Variants in GABBR2 observed in about 807,000 individuals in gnomAD.
GABBR2 encodes gamma-aminobutyric acid type B receptor subunit 2, also known as G-protein coupled receptor 51.
In GABBR2, 23 loss-of-function variants were observed where a neutral mutation model predicts 105.6. That is an observed-to-expected ratio of 0.22 (90% CI 0.16 to 0.31). GABBR2 has a LOEUF of 0.31. Ranked by LOEUF, GABBR2 falls within the 10% of genes least tolerant of loss-of-function variation. The pLI is 1.00. For missense variants in GABBR2, 734 were observed against 1,245.5 expected (o/e 0.59, Z 6.18); for synonymous variants, 478 against 499.7 (o/e 0.96, Z 0.58).
At chr9:98,353,314 A>G (rs1831432504) in intron 13 of GABBR2, among the ~76,000 whole-genome samples, 1 of 152,188 alleles carries the variant, frequency 6.6e-6, no homozygotes. Flanking sequence ...AATTCGAATT[A>G]TCTTGCTATT....
chr9:98,661,413 C>T (rs899478269), intron 1 of GABBR2, among the ~76,000 whole-genome samples: 1 of 150,764 alleles, frequency 6.6e-6, no homozygotes, highest in Non-Finnish European at 1.5e-5. Context: ...TTTCCCCCAC[C>T]CCCCCGATAT....
intron 1 of GABBR2, among the ~76,000 whole-genome samples, chr9:98,598,927 G>C (rs1829278692): frequency 6.6e-6 from 1 of 152,090 alleles, no homozygotes; most frequent in Non-Finnish European, 1.5e-5. Context: ...TTATTAACAA[G>C]CCTCTTATAG....
At chr9:98,572,158 C>A (rs1564118153) in intron 2 of GABBR2, among the ~76,000 whole-genome samples, 3 of 152,218 alleles carry the variant, frequency 2.0e-5, no homozygotes, top group Admixed American at 6.5e-5. Context: ...AGACCCTGGA[C>A]TCTATGAAGG....
At chr9:98,510,293 C>T (rs1415398166) in intron 3 of GABBR2, among the ~76,000 whole-genome samples, 2 of 152,214 alleles carry the variant, frequency 1.3e-5, no homozygotes, top group East Asian at 3.8e-4. Flanking sequence ...AAAGGAACAA[C>T]TGGTACCAGC....
At chr9:98,514,073 T>C (rs376685202) in intron 3 of GABBR2, among the ~76,000 whole-genome samples, 23,682 of 131,984 alleles carry the variant, frequency 0.18, 2,920 homozygotes, top group Non-Finnish European at 0.25. Context: ...ACTATGCAGC[T>C]ATAAAAAATG....
At chr9:98,297,028 A>G (rs1012998504) in intron 17 of GABBR2, among the ~76,000 whole-genome samples, 5 of 152,020 alleles carry the variant, frequency 3.3e-5, no homozygotes, top group Non-Finnish European at 5.9e-5. Context: ...CATTTTTTAT[A>G]TTTAAATATT....
Position 98,505,172 on chromosome 9 carries a change from T to C in GABBR2, c.631-8658A>G, listed in dbSNP as rs1462452569. 2.0e-5 allele frequency among the ~76,000 whole-genome samples: 3 copies of C among 152,362 alleles called. No homozygotes were observed. The East Asian group carries it at 5.8e-4, about 29-fold the overall frequency. On this transcript the variant is annotated intron_variant, in intron 3 of 18. Transcript: ENST00000259455. The stretch of plus-strand genomic sequence containing the variant: ...ATTGGGGCATATGCTTAAAAACTTA[T>C]CCATGTGGTGTATTTCTGCCTGTCC...
chr9:98,571,232 G>A (rs907366222), intron 2 of GABBR2, among the ~76,000 whole-genome samples: 1 of 152,210 alleles, frequency 6.6e-6, no homozygotes, highest in Non-Finnish European at 1.5e-5. Context: ...GAAGGGGCAG[G>A]AGGTGGGCTG....
intron 13 of GABBR2, among the ~76,000 whole-genome samples, chr9:98,351,604 C>T (rs1050518887): frequency 6.6e-6 from 1 of 152,104 alleles, no homozygotes; most frequent in Non-Finnish European, 1.5e-5. Context: ...ATTTTTGAAG[C>T]TCTCAATTGT....
chr9:98,627,637 C>T (rs1829758232), intron 1 of GABBR2, among the ~76,000 whole-genome samples: 2 of 152,242 alleles, frequency 1.3e-5, no homozygotes, highest in Non-Finnish European at 2.9e-5. Flanking sequence ...GAAGTGTCCA[C>T]ACAGGGCAGG....
chr9:98,640,015 A>T (rs1322165787), intron 1 of GABBR2, among the ~76,000 whole-genome samples: 2 of 151,774 alleles, frequency 1.3e-5, no homozygotes, highest in Non-Finnish European at 2.9e-5. Context: ...CAATTGCCTT[A>T]TTTGCATTTA....
chr9:98,444,895 A>ACG (rs1554706640), intron 7 of GABBR2, among the ~76,000 whole-genome samples: 1 of 151,622 alleles, frequency 6.6e-6, no homozygotes, highest in African/African-American at 2.4e-5. Context: ...ACACACACAC[A>ACG]CACACGCACG....
rs1031502799 is a variant in GABBR2, at chr9:98,370,323, C to T, written c.1770+1141G>A. ...GAGCATTTCACCTGCATCAAGAGGA[C>T]GGCAGGAGAGAAAGTCCTAGTAATG... On this transcript the variant is annotated intron_variant, in intron 12 of 18. Coordinates refer to ENST00000259455, the MANE Select transcript of GABBR2 (RefSeq NM_005458.8). Among the ~76,000 whole-genome samples the T allele has an allele frequency of 8.5e-5, 13 of 152,148 alleles. No individual in the cohort carries two copies. In the East Asian group the frequency reaches 1.2e-3, roughly 14 times the overall value.
chr9:98,415,332 T>C (rs1052722677), intron 7 of GABBR2, among the ~76,000 whole-genome samples: 1 of 152,196 alleles, frequency 6.6e-6, no homozygotes, highest in African/African-American at 2.4e-5. Context: ...AATAGCAATA[T>C]CATCAGCAAT....
chr9:98,641,530 G>A (rs1165361163), intron 1 of GABBR2, among the ~76,000 whole-genome samples: 2 of 152,100 alleles, frequency 1.3e-5, no homozygotes, highest in Non-Finnish European at 2.9e-5. Context: ...ATAAATCACT[G>A]ATTCAGTTAT....
At chr9:98,593,659 G>A (rs952781519) in intron 1 of GABBR2, among the ~76,000 whole-genome samples, 1 of 152,142 alleles carries the variant, frequency 6.6e-6, no homozygotes, top group Non-Finnish European at 1.5e-5. Flanking sequence ...ACTTTCCCTT[G>A]GGAGCCATGT....
intron 6 of GABBR2, among the ~76,000 whole-genome samples, chr9:98,463,883 G>A (rs527676934): frequency 2.6e-5 from 4 of 152,274 alleles, no homozygotes; most frequent in South Asian, 2.1e-4. Context: ...TGATCTGCCC[G>A]CCTCGGCCTC....
In GABBR2 at chr9:98,344,192, T is replaced by C. The variant is rs537492055; in HGVS notation, c.1893+18523A>G. On this transcript the variant is annotated intron_variant, in intron 13 of 18. Coordinates refer to ENST00000259455, the MANE Select transcript of GABBR2 (RefSeq NM_005458.8). Reference sequence around the variant, plus strand: ...TGCTCTTGGTGCCCTCATCCAAGATTGTCATTGCCATCCATAAGCTGCCCC... The same window carrying C: ...TGCTCTTGGTGCCCTCATCCAAGATCGTCATTGCCATCCATAAGCTGCCCC... Among the ~76,000 whole-genome samples, 5 of 152,184 alleles carry C rather than the reference T, an allele frequency of 3.3e-5. No homozygotes were observed. In the South Asian group the frequency reaches 1.0e-3, roughly 32 times the overall value.
rs1347390827 is a variant in GABBR2, at chr9:98,299,466, C to A, written c.2413-113G>T. The A allele has an allele frequency of 6.3e-6, 7 of 1,106,828 alleles. No homozygotes were observed. The Admixed American group carries it at 1.5e-4, about 24-fold the overall frequency. The allele number at this position is 1,106,828 out of a possible 1,614,324, so 68.6% of individuals were successfully genotyped here. A position where few individuals can be genotyped will look rare whatever the true frequency, so the allele number is the denominator to read the frequency against. The stretch of plus-strand genomic sequence containing the variant: ...GGGCCTTTACCTGTATTCAGGAGTG[C>A]CCTGAGAATCAGAGGGGTTACTGCA... On this transcript the variant is annotated intron_variant, in intron 16 of 18. Coordinates refer to ENST00000259455, the MANE Select transcript of GABBR2 (RefSeq NM_005458.8).
Sources: allele counts gnomAD v4.1 joint callset (sites outside exome capture counted in the v4.1 genomes callset), GRCh38; gene constraint gnomAD v4.1.1; transcripts MANE v1.5; gene names NCBI Gene and HGNC (gene_info 2026-07-23, HGNC 2026-07-21).